Variants in IFT80 observed in about 807,000 individuals in gnomAD.
The protein encoded by IFT80 is intraflagellar transport 80, also known as intraflagellar transport protein 80 homolog.
In IFT80, 79 loss-of-function variants were observed where a neutral mutation model predicts 107.9. The observed-to-expected ratio is 0.73, with a 90% CI of 0.61 to 0.88. The LOEUF is 0.88. Ranked by LOEUF, IFT80 falls within the 40% of genes least tolerant of loss-of-function variation. The probability of loss-of-function intolerance (pLI) is 0.00; values close to 1 mark genes in which losing one functional copy is unlikely to be tolerated. For synonymous variants in IFT80, 299 were observed against 300.9 expected (o/e 0.99, Z 0.07); for missense variants, 797 against 914.2 (o/e 0.87, Z 1.65).
In IFT80 at chr3:160,377,264, A is replaced by G. The variant is rs75593409; in HGVS notation, c.370+166T>C. ...AAGGTCACATAAGAAAATGATTAAT[A>G]TAACATTCTGAATTGTAACATTTAT... On this transcript the variant is annotated intron_variant, in intron 4 of 19. Transcript: ENST00000326448. Among the ~76,000 whole-genome samples, 75 of 152,340 alleles carry G rather than the reference A, an allele frequency of 4.9e-4. No homozygotes were observed. In the East Asian group the frequency reaches 0.013, roughly 27 times the overall value.
intron 10 of IFT80, among the ~76,000 whole-genome samples, chr3:160,307,323 A>T (rs1019536693): frequency 6.6e-5 from 10 of 152,010 alleles, no homozygotes; most frequent in Non-Finnish European, 1.5e-4. Flanking sequence ...AATTCAAAAA[A>T]TTTTTTGTAG....
chr3:160,271,229 C>T (rs1713783077), intron 18 of IFT80, among the ~76,000 whole-genome samples: 6 of 152,070 alleles, frequency 3.9e-5, no homozygotes, highest in Admixed American at 2.6e-4. Context: ...TCCAAATTAT[C>T]TAAGGGTTTT....
chr3:160,283,344 G>A (rs1714837224), intron 13 of IFT80, among the ~76,000 whole-genome samples: 1 of 152,140 alleles, frequency 6.6e-6, no homozygotes, highest in Admixed American at 6.5e-5. Flanking sequence ...CTCCTACAAT[G>A]TCTGAAGACT....
rs530775677 is a variant in IFT80, at chr3:160,259,640, G to A, written c.2224-1005C>T. On this transcript the variant is annotated intron_variant, in intron 19 of 19. Coordinates refer to ENST00000326448, the MANE Select transcript of IFT80 (RefSeq NM_020800.3). ...TTATTTGTTTGCTTCCCTTCTATCCGTTATGCAGTCTCCCCTCCCCTAGCC... is the reference window on the plus strand; with the variant it reads ...TTATTTGTTTGCTTCCCTTCTATCCATTATGCAGTCTCCCCTCCCCTAGCC... Among the ~76,000 whole-genome samples, 13 of 152,246 alleles carry A rather than the reference G, an allele frequency of 8.5e-5. No individual in the cohort carries two copies. In the South Asian group the frequency reaches 1.0e-3, roughly 12 times the overall value.
At chr3:160,342,188 T>A (rs1719951638) in intron 8 of IFT80, among the ~76,000 whole-genome samples, 1 of 152,184 alleles carries the variant, frequency 6.6e-6, no homozygotes, top group Non-Finnish European at 1.5e-5. Flanking sequence ...ATCATTTAGC[T>A]TAGACAATTT....
At chr3:160,274,505 A>T (rs1234577119) in intron 18 of IFT80, 2 of 152,190 alleles carry the variant, frequency 1.3e-5, no homozygotes, top group Non-Finnish European at 2.9e-5. Flanking sequence ...CATAGAGAGT[A>T]AGGGCATGAA....
intron 3 of IFT80, among the ~76,000 whole-genome samples, chr3:160,380,465 C>T (rs1712389244): frequency 6.6e-6 from 1 of 152,164 alleles, no homozygotes; most frequent in African/African-American, 2.4e-5. Context: ...CCATCATGTT[C>T]ACCATGTGCA....
chr3:160,334,624 C>T (rs1719330119), intron 8 of IFT80, among the ~76,000 whole-genome samples: 2 of 152,050 alleles, frequency 1.3e-5, no homozygotes. Context: ...ACCATATTAG[C>T]CAGGCTGGTC....
chr3:160,389,684 T>C (rs968105385), intron 1 of IFT80, among the ~76,000 whole-genome samples: 2 of 151,580 alleles, frequency 1.3e-5, no homozygotes. Flanking sequence ...GGCTGCATAG[T>C]ATTCCACGGT....
intron 8 of IFT80, among the ~76,000 whole-genome samples, chr3:160,341,621 T>C (rs1275743106): frequency 6.6e-6 from 1 of 152,112 alleles, no homozygotes; most frequent in African/African-American, 2.4e-5. Flanking sequence ...GGGACTAAGA[T>C]TCTTGTCTCA....
chr3:160,322,232 G>A (rs1163166417), intron 8 of IFT80, among the ~76,000 whole-genome samples: 15 of 129,732 alleles, frequency 1.2e-4, no homozygotes, highest in Non-Finnish European at 1.7e-4. Flanking sequence ...TCCCCTTCCT[G>A]TGTCCATGTG....
intron 15 of IFT80, among the ~76,000 whole-genome samples, chr3:160,280,333 T>C (rs1231963609): frequency 6.6e-6 from 1 of 152,182 alleles, no homozygotes; most frequent in East Asian, 1.9e-4. Flanking sequence ...CGTTGGGTAG[T>C]TGTCACAAGG....
chr3:160,357,473 T>C lies in IFT80; in HGVS notation c.639+16A>G. ...TTGATTATTTCAGCCAAGTGATAAA[T>C]CTAAACATTATATACCTTATATTTA... On this transcript the variant is annotated intron_variant, in intron 7 of 19. Transcript: ENST00000326448. The C allele has an allele frequency of 7.7e-7, 1 of 1,304,890 alleles. No individual in the cohort carries two copies. Among genetic ancestry groups the C allele is most frequent in the Non-Finnish European group, 1.1e-6 (1 of 904,788 alleles). The allele number at this position is 1,304,890 out of a possible 1,614,324, so 80.8% of individuals were successfully genotyped here.
chr3:160,333,953 CA>C (rs1307935283), intron 8 of IFT80, among the ~76,000 whole-genome samples: 1 of 152,092 alleles, frequency 6.6e-6, no homozygotes, highest in African/African-American at 2.4e-5. Flanking sequence ...AGCATCAACA[CA>C]AACACATAAG....
chr3:160,366,176 A>G (rs534209690), intron 5 of IFT80, 24 bp from the exon 6 acceptor site: 242 of 1,527,334 alleles, frequency 1.6e-4, no homozygotes, highest in Non-Finnish European at 2.1e-4. Flanking sequence ...AAAGAAAAAA[A>G]AAAGGCTGAT....
At chr3:160,283,694 C>G (rs181035472) in intron 13 of IFT80, among the ~76,000 whole-genome samples, 1 of 152,086 alleles carries the variant, frequency 6.6e-6, no homozygotes, top group Non-Finnish European at 1.5e-5. Flanking sequence ...TCATCAGAAC[C>G]TAGTGTATTC....
intron 14 of IFT80, 35 bp downstream of exon 14, chr3:160,282,443 C>A (rs554046124): frequency 7.4e-7 from 1 of 1,356,910 alleles, no homozygotes; most frequent in African/African-American, 1.5e-5. Flanking sequence ...AGAAAGTTGA[C>A]AATTAAAACT....
At chr3:160,368,378 A>C (rs1003768413) in intron 5 of IFT80, among the ~76,000 whole-genome samples, 1 of 150,942 alleles carries the variant, frequency 6.6e-6, no homozygotes, top group Non-Finnish European at 1.5e-5. Context: ...AAAAAAAAAA[A>C]ACCCTGAAAC....
At chr3:160,289,691 C>T (rs1190774985) in intron 12 of IFT80, among the ~76,000 whole-genome samples, 2 of 152,104 alleles carry the variant, frequency 1.3e-5, no homozygotes, top group Non-Finnish European at 2.9e-5. Flanking sequence ...ATTTGGAAAG[C>T]AGAAAGGCAA....
Sources: gnomAD v4.1 joint callset for allele counts (sites outside exome capture counted in the v4.1 genomes callset) on GRCh38, gnomAD v4.1.1 for gene constraint, MANE v1.5 for transcripts, NCBI Gene and HGNC (gene_info 2026-07-23, HGNC 2026-07-21) for gene names.